IMPA2: variants seen among roughly 807,000 people sequenced by gnomAD.
IMPA2 encodes inositol monophosphatase 2, also known as IMP 2.
Under a neutral mutation model 35.1 loss-of-function variants are expected in IMPA2, and 32 were observed. The ratio of observed to expected loss-of-function variants is 0.91; its 90% CI spans 0.69 to 1.23. The LOEUF (loss-of-function observed/expected upper bound fraction) is 1.23. Ranked by LOEUF, IMPA2 falls within the 50% of genes most tolerant of loss-of-function variation. The probability of loss-of-function intolerance (pLI) is 0.00; values close to 1 mark genes in which losing one functional copy is unlikely to be tolerated. For synonymous variants in IMPA2, 135 were observed against 160.6 expected (o/e 0.84, Z 1.20); for missense variants, 334 against 387.6 (o/e 0.86, Z 1.16).
At chr18:11,983,415 A>G (rs189499023) in intron 1 of IMPA2, among the ~76,000 whole-genome samples, 34 of 152,324 alleles carry the variant, frequency 2.2e-4, no homozygotes, top group Admixed American at 4.6e-4. Context: ...TAGGATTCAG[A>G]CATTGCTGTG....
chr18:12,022,777 CTG>C (rs2143821618), intron 5 of IMPA2, among the ~76,000 whole-genome samples: 1 of 101,426 alleles, frequency 9.9e-6, no homozygotes, highest in South Asian at 3.0e-4. Flanking sequence ...CCTTTATACT[CTG>C]TTCTTTTTTT....
intron 2 of IMPA2, among the ~76,000 whole-genome samples, chr18:12,000,862 G>A (rs946312541): frequency 5.3e-5 from 8 of 150,950 alleles, no homozygotes; most frequent in East Asian, 2.0e-4. Context: ...TGATCCGCCC[G>A]CCTCGGCCTC....
chr18:11,984,967 C>CAAAAAAAAAA (rs34748642), intron 1 of IMPA2, among the ~76,000 whole-genome samples: 1 of 87,784 alleles, frequency 1.1e-5, no homozygotes, highest in Non-Finnish European at 2.4e-5. Flanking sequence ...GACTCCGTCT[C>CAAAAAAAAAA]AAAAAAAAAA....
In IMPA2 at chr18:11,999,119, G is replaced by A; in HGVS notation, c.162G>A (p.Val54=). The change falls in exon 2 of 8, where the codon GTG becomes GTA. Residue 54 remains valine (V), a synonymous_variant. Transcript: ENST00000269159. ...VSTKTSAADL[V]TETDHLVEDL... ...CAAAAACATCAGCTGCAGATCTTGT[G>A]ACAGAAACAGATCACCTTGTGGAAG... is the stretch of plus-strand genomic sequence containing the variant. 6.2e-7 allele frequency: 1 copy of A among 1,613,700 alleles called. No homozygotes were observed. Among genetic ancestry groups the A allele is most frequent in the Middle Eastern group, 1.7e-4 (1 of 6,060 alleles).
At chr18:12,007,674 T>TCTTTCTTTCTTTCTTTC (rs1568032972) in intron 2 of IMPA2, among the ~76,000 whole-genome samples, 1 of 138,582 alleles carries the variant, frequency 7.2e-6, no homozygotes, top group Non-Finnish European at 1.5e-5. Flanking sequence ...TTTCTTTCTT[T>TCTTTCTTTCTTTCTTTC]CTTTCCTTTC....
At chr18:11,997,591 G>A (rs1344864844) in intron 1 of IMPA2, among the ~76,000 whole-genome samples, 1 of 152,220 alleles carries the variant, frequency 6.6e-6, no homozygotes, top group Non-Finnish European at 1.5e-5. Flanking sequence ...GTATGGGGAG[G>A]AGCACATGGG....
intron 4 of IMPA2, 75 bp downstream of exon 4, chr18:12,012,290 T>A: frequency 2.4e-6 from 3 of 1,258,014 alleles, no homozygotes; most frequent in Non-Finnish European, 3.5e-6. Flanking sequence ...GGCTTCAGCC[T>A]CTGTGCGCCT....
chr18:12,012,811 G>A (rs914622321), intron 4 of IMPA2, among the ~76,000 whole-genome samples: 4 of 152,178 alleles, frequency 2.6e-5, no homozygotes, highest in Admixed American at 6.5e-5. Flanking sequence ...AAATAGGGCC[G>A]AGGGCTGCAT....
At chr18:12,006,603 C>T (rs1020962901) in intron 2 of IMPA2, among the ~76,000 whole-genome samples, 1 of 152,180 alleles carries the variant, frequency 6.6e-6, no homozygotes, top group Non-Finnish European at 1.5e-5. Context: ...GAAGCCCCTG[C>T]TTATTCGTGG....
At chr18:12,006,513 G>A (rs1416688352) in intron 2 of IMPA2, among the ~76,000 whole-genome samples, 1 of 152,220 alleles carries the variant, frequency 6.6e-6, no homozygotes, top group Non-Finnish European at 1.5e-5. Context: ...GCCTGCCCAG[G>A]CTCTCCAGGA....
intron 5 of IMPA2, among the ~76,000 whole-genome samples, chr18:12,016,859 C>A (rs913145105): frequency 1.4e-4 from 22 of 152,122 alleles, no homozygotes; most frequent in African/African-American, 5.3e-4. Context: ...TATAAAGCAC[C>A]CAGCATAGTG....
intron 5 of IMPA2, among the ~76,000 whole-genome samples, chr18:12,020,026 C>A (rs2143817974): frequency 6.6e-6 from 1 of 152,202 alleles, no homozygotes; most frequent in Non-Finnish European, 1.5e-5. Context: ...CAGGCATGCA[C>A]CACCATGCCC....
intron 2 of IMPA2, among the ~76,000 whole-genome samples, chr18:12,000,080 T>C (rs1907074320): frequency 6.6e-6 from 1 of 152,218 alleles, no homozygotes; most frequent in Non-Finnish European, 1.5e-5. Context: ...GGTTCCAGGT[T>C]TAGATGGACT....
chr18:12,007,657 T>G (rs1291125963), intron 2 of IMPA2, among the ~76,000 whole-genome samples: 1 of 137,116 alleles, frequency 7.3e-6, no homozygotes. Context: ...CTTTCTTTCT[T>G]TCTTTCTTTC....
In IMPA2 at chr18:12,010,327, G is replaced by A. The variant is rs1022801561; in HGVS notation, c.335+340G>A. 4 of 231,770 alleles carry A rather than the reference G, an allele frequency of 1.7e-5. No homozygotes were observed. Among genetic ancestry groups the A allele is most frequent in the Non-Finnish European group, 3.4e-5 (4 of 117,400 alleles). 14.4% of individuals were successfully genotyped at this position (231,770 alleles called of 1,614,324 possible). ...GAAAAAGGTGAGGTTGGGATACAAA[G>A]CCTGTGCTGCCCCACAGTGGCCCGG... On this transcript the variant is annotated intron_variant, in intron 3 of 7. Coordinates refer to ENST00000269159, the MANE Select transcript of IMPA2 (RefSeq NM_014214.3). This position sits in a 1 kb window ranked among gnomAD's most constrained non-coding sequence, Gnocchi z 4.8.
intron 1 of IMPA2, among the ~76,000 whole-genome samples, chr18:11,992,461 A>G (rs1428516513): frequency 1.3e-5 from 2 of 152,192 alleles, no homozygotes; most frequent in Non-Finnish European, 2.9e-5. Flanking sequence ...GAGCACAAGA[A>G]CAAGATGGGG....
chr18:11,990,012 C>T (rs1221013787), intron 1 of IMPA2, among the ~76,000 whole-genome samples: 1 of 152,100 alleles, frequency 6.6e-6, no homozygotes, highest in Non-Finnish European at 1.5e-5. Flanking sequence ...GAGTCTAGGC[C>T]CCTCCCTCTC....
At chr18:11,996,803 C>T (rs1388209339) in intron 1 of IMPA2, among the ~76,000 whole-genome samples, 2 of 152,042 alleles carry the variant, frequency 1.3e-5, no homozygotes, top group Non-Finnish European at 2.9e-5. Flanking sequence ...GGTTAGGCTG[C>T]CTTTCTCACC....
Position 12,030,485 on chromosome 18 carries a change from A to G in IMPA2, c.*27A>G. The G allele has an allele frequency of 1.9e-6, 3 of 1,582,278 alleles. No homozygotes were observed. Among genetic ancestry groups the G allele is most frequent in the African/African-American group, 2.7e-5 (2 of 74,474 alleles). On this transcript the variant is annotated 3_prime_UTR_variant, in exon 8 of 8. Transcript: ENST00000269159. ...TGCGGCTGAGGCAAAGCTGCTCCCA[A>G]GGCCTCCCTGGGCTGCTGTGGGCTC...
Sources: allele counts gnomAD v4.1 joint callset (sites outside exome capture counted in the v4.1 genomes callset), GRCh38; gene constraint gnomAD v4.1.1; non-coding constraint Gnocchi (gnomAD v3.1); transcripts MANE v1.5; gene names NCBI Gene and HGNC (gene_info 2026-07-23, HGNC 2026-07-21).